ATAD2: variants seen among roughly 807,000 people sequenced by gnomAD.
The protein encoded by ATAD2 is ATPase family AAA domain-containing protein 2.
A neutral mutation model predicts 168.9 loss-of-function variants in ATAD2; 62 were observed. The ratio of observed to expected loss-of-function variants is 0.37; its 90% CI spans 0.30 to 0.45. The LOEUF is 0.45. Among genes scored for constraint, ATAD2 ranks in the 20% least tolerant of loss-of-function variants. The pLI is 1.00. For synonymous variants in ATAD2, 613 were observed against 571.6 expected, an observed-to-expected ratio of 1.07 and a Z score of -1.03; for missense variants, 1,419 against 1,667.8, an observed-to-expected ratio of 0.85 and a Z score of 2.60.
At chr8:123,403,319 C>G (rs1047530380) in intron 1 of ATAD2, among the ~76,000 whole-genome samples, 1 of 151,640 alleles carries the variant, frequency 6.6e-6, no homozygotes, top group Non-Finnish European at 1.5e-5. Flanking sequence ...AGGCTGGTCT[C>G]GAACTCCTGA....
chr8:123,321,327 A>G, intron 27 of ATAD2, 152 bp from the exon 28 acceptor site: 1 of 667,062 alleles, frequency 1.5e-6, no homozygotes, highest in Non-Finnish European at 2.4e-6. Flanking sequence ...AGTATTTAAG[A>G]CTGCCACATA....
At chr8:123,367,038 T>A (rs1053581538) in intron 8 of ATAD2, among the ~76,000 whole-genome samples, 1 of 152,152 alleles carries the variant, frequency 6.6e-6, no homozygotes, top group African/African-American at 2.4e-5. Context: ...TCTGTCTACA[T>A]GTGCTCATCC....
chr8:123,389,984 A>T (rs7825086), intron 1 of ATAD2, among the ~76,000 whole-genome samples: 53 of 115,134 alleles, frequency 4.6e-4, no homozygotes, highest in African/African-American at 1.9e-3. Flanking sequence ...ATATATATAT[A>T]TTTTTTTTTT....
chr8:123,348,538 G>T (rs1014472828), intron 14 of ATAD2, among the ~76,000 whole-genome samples: 2 of 152,250 alleles, frequency 1.3e-5, no homozygotes, highest in East Asian at 3.9e-4. Context: ...TTAGCTGGGC[G>T]TGGTAGCATG....
intron 2 of ATAD2, among the ~76,000 whole-genome samples, chr8:123,375,281 A>T (rs923566131): frequency 6.6e-6 from 1 of 152,100 alleles, no homozygotes; most frequent in African/African-American, 2.4e-5. Flanking sequence ...ACATAAAATG[A>T]TGCTCAACAT....
At chr8:123,344,854 A>C in intron 19 of ATAD2, 30 bp downstream of exon 19, 1 of 1,604,664 alleles carries the variant, frequency 6.2e-7, no homozygotes, top group Non-Finnish European at 8.5e-7. Context: ...TCTTTTTGAA[A>C]GTATAATGAT....
At chr8:123,326,316 A>T (rs955819666) in intron 25 of ATAD2, among the ~76,000 whole-genome samples, 6 of 152,056 alleles carry the variant, frequency 3.9e-5, no homozygotes, top group African/African-American at 1.2e-4. Context: ...GCTAGAAGGG[A>T]CCTCAATAAT....
intron 24 of ATAD2, among the ~76,000 whole-genome samples, chr8:123,333,055 G>A (rs550607115): frequency 6.6e-6 from 1 of 151,488 alleles, no homozygotes. Flanking sequence ...AGCAAACACC[G>A]CTAACCCTAA....
rs374417395 is a variant in ATAD2, at chr8:123,381,498, C to CACAAAACAAA, written c.172-831_172-822dup. On this transcript the variant is annotated intron_variant, in intron 1 of 27. Transcript: ENST00000287394. The stretch of plus-strand genomic sequence containing the variant: ...CCTGGGCAACAGAGTGAGACCCTGC[C>CACAAAACAAA]ACAAAACAAAACAAAACAAAACAAA... 6.6e-3 allele frequency among the ~76,000 whole-genome samples: 1,006 copies of CACAAAACAAA among 151,282 alleles called. 12 individuals are homozygous for CACAAAACAAA. Among genetic ancestry groups the CACAAAACAAA allele is most frequent in the African/African-American group, 0.023 (952 of 40,950 alleles).
rs71310666 is a variant in ATAD2, at chr8:123,329,981, C to CTTT, written c.3479-1405_3479-1403dup. Among the ~76,000 whole-genome samples the CTTT allele has an allele frequency of 8.3e-4, 83 of 100,304 alleles. 1 individual carries two copies. Among genetic ancestry groups the CTTT allele is most frequent in the African/African-American group, 2.7e-3 (75 of 27,588 alleles). The allele number at this position is 100,304 out of a possible 152,430, so 65.8% of individuals were successfully genotyped here. On this transcript the variant is annotated intron_variant, in intron 24 of 27. Transcript: ENST00000287394. Reference sequence around the variant, plus strand: ...AGATTACCTTTCTCCCCAGTGGCTTCTTTTTTTTTTTTTTTTTTTTTTTTG... The same window carrying CTTT: ...AGATTACCTTTCTCCCCAGTGGCTTCTTTTTTTTTTTTTTTTTTTTTTTTTTTG...
intron 1 of ATAD2, among the ~76,000 whole-genome samples, chr8:123,393,591 C>T (rs753725775): frequency 1.3e-5 from 2 of 151,808 alleles, no homozygotes; most frequent in African/African-American, 2.4e-5. Flanking sequence ...CAGTGGAAAA[C>T]GGGAAGGAGG....
intron 18 of ATAD2, among the ~76,000 whole-genome samples, chr8:123,345,428 A>G (rs11997908): frequency 0.024 from 3,657 of 151,844 alleles, 154 homozygotes; most frequent in African/African-American, 0.084. Flanking sequence ...TTGGGAGGCC[A>G]AGGCGGGTGG....
rs776522646 is a variant in ATAD2 at position 123,369,838 on chromosome 8, T to C, written c.914A>G (p.Tyr305Cys). The C allele has an allele frequency of 6.2e-7, 1 of 1,611,514 alleles. No individual in the cohort carries two copies. The highest frequency in any genetic ancestry group is 8.5e-7 in the Non-Finnish European group (1 of 1,178,870). Residue 305 changes from tyrosine (Y) to cysteine (C), a missense_variant, in exon 7 of 28, where the codon TAT becomes TGT. Transcript: ENST00000287394. ...GCACTTACTTTCCAATGGAGCCTGATAGTAAACAGTAGCTTTTCTCTGTCT... is the reference window on the plus strand; with the variant it reads ...GCACTTACTTTCCAATGGAGCCTGACAGTAAACAGTAGCTTTTCTCTGTCT... ...YLRQRKATVY[Y>C]QAPLEKPRHQ...
intron 18 of ATAD2, among the ~76,000 whole-genome samples, chr8:123,345,541 G>A (rs980715750): frequency 2.0e-5 from 3 of 151,506 alleles, no homozygotes; most frequent in Admixed American, 6.6e-5. Context: ...GCTGGGTGTG[G>A]CGGCATGCAT....
intron 1 of ATAD2, among the ~76,000 whole-genome samples, chr8:123,413,233 C>T (rs984911290): frequency 1.1e-4 from 17 of 150,526 alleles, no homozygotes; most frequent in African/African-American, 2.7e-4. Flanking sequence ...CGCCCCCCCC[C>T]CCCCAACTCC....
intron 2 of ATAD2, among the ~76,000 whole-genome samples, chr8:123,377,028 T>C (rs1829334542): frequency 7.2e-6 from 1 of 138,754 alleles, no homozygotes; most frequent in Admixed American, 8.0e-5. Flanking sequence ...GGGGCGGAGG[T>C]TGCAGTGAGC....
intron 1 of ATAD2, chr8:123,401,635 G>A (rs1813004131): frequency 1.1e-6 from 1 of 912,152 alleles, no homozygotes; most frequent in Non-Finnish European, 1.8e-6. Flanking sequence ...AGTATGCCCG[G>A]CACTTTGGTG....
intron 1 of ATAD2, among the ~76,000 whole-genome samples, chr8:123,393,853 A>G (rs1812707849): frequency 6.6e-6 from 1 of 151,534 alleles, no homozygotes; most frequent in African/African-American, 2.4e-5. Flanking sequence ...GGAGGCGGAA[A>G]CTGCAGCAAG....
rs530752304 is a variant in ATAD2, at chr8:123,355,066, T to C, written c.1646+1323A>G. Reference sequence around the variant, plus strand: ...ACAATGAATATAGTGTGACTGATAATGAAATGCGTCACATATAAAAAGTTT... The same window carrying C: ...ACAATGAATATAGTGTGACTGATAACGAAATGCGTCACATATAAAAAGTTT... On this transcript the variant is annotated intron_variant, in intron 13 of 27. Coordinates refer to ENST00000287394, the MANE Select transcript of ATAD2 (RefSeq NM_014109.4). 4.6e-5 allele frequency among the ~76,000 whole-genome samples: 7 copies of C among 151,620 alleles called. No homozygotes were observed. The South Asian group carries it at 1.5e-3, about 31-fold the overall frequency.
Sources: allele counts gnomAD v4.1 joint callset (sites outside exome capture counted in the v4.1 genomes callset), GRCh38; gene constraint gnomAD v4.1.1; transcripts MANE v1.5; gene names NCBI Gene and HGNC (gene_info 2026-07-23, HGNC 2026-07-21).